Variants in CEP192 observed in about 807,000 individuals in gnomAD.
CEP192 encodes the protein centrosomal protein 192.
A neutral mutation model predicts 271.8 loss-of-function variants in CEP192; 151 were observed. That is an observed-to-expected ratio of 0.56 (90% CI 0.49 to 0.64). The LOEUF (loss-of-function observed/expected upper bound fraction) is 0.64, where lower values mean the gene tolerates loss of function less well. CEP192 is among the 30% of genes least tolerant of loss of function. The pLI, the probability that CEP192 is intolerant of heterozygous loss-of-function variation, is 0.00. For synonymous variants in CEP192, 995 were observed against 1,076.5 expected, an observed-to-expected ratio of 0.92 and a Z score of 1.48; for missense variants, 2,910 against 3,020.5, an observed-to-expected ratio of 0.96 and a Z score of 0.86.
chr18:13,013,813 G>T (rs2034495587), intron 5 of CEP192, among the ~76,000 whole-genome samples: 1 of 152,144 alleles, frequency 6.6e-6, no homozygotes, highest in Non-Finnish European at 1.5e-5. Context: ...ACTAAACACT[G>T]TTAAAACTTA....
intron 5 of CEP192, among the ~76,000 whole-genome samples, chr18:13,015,024 T>C (rs2034563927): frequency 6.6e-6 from 1 of 152,210 alleles, no homozygotes; most frequent in Non-Finnish European, 1.5e-5. Context: ...CTTGTGTTGC[T>C]CAAGTTCAGT....
chr18:13,092,588 C>A, intron 34 of CEP192, 61 bp downstream of exon 34: 1 of 1,282,332 alleles, frequency 7.8e-7, no homozygotes, highest in Non-Finnish European at 1.1e-6. Context: ...CATAGCAAAG[C>A]TGATCTTTTT....
intron 2 of CEP192, chr18:13,000,550 G>C (rs2033577727): frequency 6.6e-6 from 1 of 152,176 alleles, no homozygotes. Context: ...GACTTGTATG[G>C]CTGTCTTTCT....
In CEP192 at chr18:13,029,990, AAG is replaced by A; in HGVS notation, c.1380_1381del (p.Asn461Ter). On this transcript the variant is annotated frameshift_variant, in exon 10 of 45. Transcript: ENST00000506447. LOFTEE classifies it high-confidence loss of function. ...ATGTGAATGTCACGAGTCCATCGAAAAGAATAAAGACAGTAAGTGGACTTTTT... is the reference window on the plus strand; with the variant it reads ...ATGTGAATGTCACGAGTCCATCGAAAAATAAAGACAGTAAGTGGACTTTTT... ...RTCECHESIE[K>X]NKDKTDLPQS... The A allele has an allele frequency of 3.9e-6, 6 of 1,548,804 alleles. No homozygotes were observed. The highest frequency in any genetic ancestry group is 4.4e-6 in the Non-Finnish European group (5 of 1,144,768).
intron 40 of CEP192, among the ~76,000 whole-genome samples, chr18:13,105,610 A>G (rs2039912201): frequency 6.6e-6 from 1 of 152,238 alleles, no homozygotes; most frequent in African/African-American, 2.4e-5. Flanking sequence ...ATTCAGACTT[A>G]AAGTAAGTTA....
Position 13,008,550 on chromosome 18 carries a change from G to T in CEP192, c.385G>T (p.Glu129Ter). 1 of 1,551,668 alleles carries T rather than the reference G, an allele frequency of 6.4e-7. No individual in the cohort carries two copies. Among genetic ancestry groups the T allele is most frequent in the South Asian group, 1.2e-5 (1 of 84,070 alleles). ...SALQMETAGP[E>*]EEPAGATESL... Reference sequence around the variant, plus strand: ...TTTACAAATGGAGACAGCAGGACCAGAAGAGGAGCCAGCCGGAGCTACAGA... The same window carrying T: ...TTTACAAATGGAGACAGCAGGACCATAAGAGGAGCCAGCCGGAGCTACAGA... The change falls in exon 4 of 45, where the codon GAA (glutamate) becomes TAA (stop). Residue 129 changes from glutamate (E) to a stop codon, truncating the protein, a stop_gained. Coordinates refer to ENST00000506447, the MANE Select transcript of CEP192 (RefSeq NM_032142.4). LOFTEE classifies it high-confidence loss of function.
chr18:13,079,853 A>G (rs942200764), intron 30 of CEP192, among the ~76,000 whole-genome samples: 4 of 152,194 alleles, frequency 2.6e-5, no homozygotes, highest in Non-Finnish European at 4.4e-5. Context: ...CTTTCTACAT[A>G]TGGCTAGCCA....
At chr18:12,995,335 A>T (rs112356254) in intron 1 of CEP192, among the ~76,000 whole-genome samples, 17 of 152,182 alleles carry the variant, frequency 1.1e-4, no homozygotes, top group African/African-American at 4.1e-4. Context: ...AAGTGCTGGG[A>T]TTACAGGCGT....
In CEP192 at chr18:13,100,389, T is replaced by C. The variant is rs769972081; in HGVS notation, c.6748T>C (p.Ser2250Pro). The change falls in exon 38 of 45, where the codon TCC (serine) becomes CCC (proline). Residue 2250 changes from serine (S) to proline (P), a missense_variant. By Grantham distance (74) the Ser-to-Pro change is moderately conservative. Coordinates refer to ENST00000506447, the MANE Select transcript of CEP192 (RefSeq NM_032142.4). ...RLTSKPFGIL[S>P]PVSEPSVSHL... ...GACCTCCAAACCATTTGGAATTCTT[T>C]CCCCAGTATCTGAGCCTTCAGTTAG... 1 of 1,614,018 alleles carries C rather than the reference T, an allele frequency of 6.2e-7. No homozygotes were observed. Among genetic ancestry groups the C allele is most frequent in the Non-Finnish European group, 8.5e-7 (1 of 1,179,896 alleles).
chr18:13,029,133 G>A (rs2035472703), intron 9 of CEP192, among the ~76,000 whole-genome samples: 1 of 152,164 alleles, frequency 6.6e-6, no homozygotes, highest in African/African-American at 2.4e-5. Context: ...AATAAGAAGT[G>A]CCACTTGGAA....
intron 40 of CEP192, among the ~76,000 whole-genome samples, chr18:13,110,884 A>G (rs2040178858): frequency 6.6e-6 from 1 of 152,232 alleles, no homozygotes; most frequent in South Asian, 2.1e-4. Context: ...AGCACGGGAT[A>G]AAAATGAAAG....
Position 13,057,680 on chromosome 18 carries a change from C to T in CEP192, c.4204C>T (p.Arg1402Cys), listed in dbSNP as rs563248173. 57 of 1,614,028 alleles carry T rather than the reference C, an allele frequency of 3.5e-5. No homozygotes were observed. The highest frequency in any genetic ancestry group is 4.4e-5 in the Non-Finnish European group (52 of 1,179,966). Residue 1402 changes from arginine to cysteine, a missense_variant, in exon 20 of 45, where the codon CGC becomes TGC. By Grantham distance (180) the Arg-to-Cys change is radical (BLOSUM62 -3). Coordinates refer to ENST00000506447, the MANE Select transcript of CEP192 (RefSeq NM_032142.4). Reference sequence around the variant, plus strand: ...CCTCAGTGTGCTTAATCCAACTGACCGCTGGCTGCAAGTCAGCATTGGGGT... The same window carrying T: ...CCTCAGTGTGCTTAATCCAACTGACTGCTGGCTGCAAGTCAGCATTGGGGT... ...TLLSVLNPTDRWLQVSIGVLS... is the reference protein window; with the variant it reads ...TLLSVLNPTDCWLQVSIGVLS...
At position 13,095,988 on chromosome 18, in the gene CEP192, C is replaced by A. The variant is rs570063399; in HGVS notation, c.6434-196C>A. ...ACGTGGGTGTGTGCTTAAGTTAAGA[C>A]CAAGCAGTGACGATTTCCAGGATTC... is the stretch of plus-strand genomic sequence containing the variant. On this transcript the variant is annotated intron_variant, in intron 35 of 44. Coordinates refer to ENST00000506447, the MANE Select transcript of CEP192 (RefSeq NM_032142.4). 9.9e-3 allele frequency among the ~76,000 whole-genome samples: 1,508 copies of A among 152,242 alleles called. 22 individuals carry two copies. Among genetic ancestry groups the A allele is most frequent in the African/African-American group, 0.035 (1,444 of 41,532 alleles).
intron 11 of CEP192, among the ~76,000 whole-genome samples, chr18:13,036,538 A>G (rs1160258821): frequency 6.6e-6 from 1 of 152,236 alleles, no homozygotes; most frequent in Admixed American, 6.5e-5. Flanking sequence ...CATTTCACCA[A>G]CACATTTAAA....
Position 13,056,260 on chromosome 18 carries a change from C to T in CEP192, c.3670C>T (p.Gln1224Ter). ...TTCTCATCAGACCACCTCTGAAAACCAGTGTACTCCTATTCCCAGCAGCAC... is the reference window on the plus strand; with the variant it reads ...TTCTCATCAGACCACCTCTGAAAACTAGTGTACTCCTATTCCCAGCAGCAC... ...QVSHQTTSENQCTPIPSSTVH... is the reference protein window; with the variant it reads ...QVSHQTTSEN The change falls in exon 19 of 45, where the codon CAG becomes TAG. Residue 1224 changes from glutamine (Q) to a stop codon, truncating the protein, a stop_gained. Transcript: ENST00000506447. LOFTEE classifies it high-confidence loss of function. The T allele has an allele frequency of 6.2e-7, 1 of 1,613,648 alleles. No individual in the cohort carries two copies. Among genetic ancestry groups the T allele is most frequent in the Non-Finnish European group, 8.5e-7 (1 of 1,179,720 alleles).
At chr18:13,041,110 C>T (rs1330522854) in intron 14 of CEP192, among the ~76,000 whole-genome samples, 154 bp downstream of exon 14, 5 of 151,854 alleles carry the variant, frequency 3.3e-5, no homozygotes, top group African/African-American at 1.2e-4. Flanking sequence ...CATATGTAAC[C>T]CCATATATCC....
intron 4 of CEP192, among the ~76,000 whole-genome samples, chr18:13,010,175 A>G (rs771333536): frequency 4.7e-4 from 71 of 152,104 alleles, no homozygotes; most frequent in Non-Finnish European, 8.5e-4. Context: ...ATATAGGGAA[A>G]GTTGTTTAAA....
Position 13,049,151 on chromosome 18 carries a change from A to G in CEP192, c.2360A>G (p.Lys787Arg), listed in dbSNP as rs148438543. 2.9e-4 allele frequency: 468 copies of G among 1,613,956 alleles called. 2 individuals are homozygous for G. Among genetic ancestry groups the G allele is most frequent in the African/African-American group, 1.4e-3 (103 of 75,026 alleles). The change falls in exon 16 of 45, where the codon AAA (lysine) becomes AGA (arginine). Residue 787 changes from lysine to arginine, a missense_variant. Transcript: ENST00000506447. ...CTTGATATGGAGAAATACCTTAAAA[A>G]AACAGAAGTTAGTAGATATGAAAGT... ...NALDMEKYLK[K>R]TEVSRYESAL...
chr18:13,019,028 T>A (rs2034829889), intron 8 of CEP192, 54 bp from the exon 9 acceptor site: 3 of 1,444,518 alleles, frequency 2.1e-6, no homozygotes. Flanking sequence ...AGTTATTATG[T>A]TAGATTACTC....
Sources: allele counts gnomAD v4.1 joint callset (sites outside exome capture counted in the v4.1 genomes callset), GRCh38; gene constraint gnomAD v4.1.1; transcripts MANE v1.5; gene names NCBI Gene and HGNC (gene_info 2026-07-23, HGNC 2026-07-21).